PDE4D: variants seen among roughly 807,000 people sequenced by gnomAD.
PDE4D encodes 3',5'-cyclic-AMP phosphodiesterase 4D.
In PDE4D, 24 loss-of-function variants were observed where a neutral mutation model predicts 87.4. The observed-to-expected ratio is 0.27, with a 90% CI of 0.20 to 0.39. PDE4D has a LOEUF of 0.39. Among genes scored for constraint, PDE4D ranks in the 10% least tolerant of loss-of-function variants. The probability of loss-of-function intolerance (pLI) is 1.00; values close to 1 mark genes in which losing one functional copy is unlikely to be tolerated. For synonymous variants in PDE4D, 384 were observed against 383.2 expected, an observed-to-expected ratio of 1.00 and a Z score of -0.02; for missense variants, 714 against 1,041.0, an observed-to-expected ratio of 0.69 and a Z score of 4.32.
chr5:59,845,795 A>G lies in PDE4D; in HGVS notation c.455+47373T>C, dbSNP rs371273109. 9.9e-5 allele frequency among the ~76,000 whole-genome samples: 15 copies of G among 152,206 alleles called. No individual in the cohort carries two copies. In the East Asian group the frequency reaches 1.6e-3, roughly 16 times the overall value. On this transcript the variant is annotated intron_variant, in intron 1 of 14. Coordinates refer to ENST00000340635, the MANE Select transcript of PDE4D (RefSeq NM_001104631.2). ...GTCAGTTTTTATGTAAAAATCACTT[A>G]GAGTGAATAAAACTGCCTATTTATG...
intron 1 of PDE4D, among the ~76,000 whole-genome samples, chr5:59,536,422 G>A (rs1487948253): frequency 6.9e-5 from 10 of 144,340 alleles, no homozygotes; most frequent in South Asian, 2.3e-4. Flanking sequence ...AGAGAATGGC[G>A]TGAACCCGGG....
At chr5:59,872,860 CA>C (rs1748026094) in intron 1 of PDE4D, among the ~76,000 whole-genome samples, 25 of 152,104 alleles carry the variant, frequency 1.6e-4, no homozygotes, top group Admixed American at 1.2e-3. Flanking sequence ...TAAGAAATGC[CA>C]TAGAATATGG....
chr5:59,837,970 C>A (rs1742388353), intron 1 of PDE4D, among the ~76,000 whole-genome samples: 1 of 152,076 alleles, frequency 6.6e-6, no homozygotes, highest in African/African-American at 2.4e-5. Flanking sequence ...TTACTAACAA[C>A]ACTGCTCAGT....
rs767446187 is a variant in PDE4D, at chr5:59,893,151, G to C, written c.455+17C>G. The C allele has an allele frequency of 3.9e-6, 6 of 1,548,682 alleles. No homozygotes were observed. The highest frequency in any genetic ancestry group is 1.4e-5 in the African/African-American group (1 of 73,068). ...TGACCCTTTGCCTGAATGGGGGAGG[G>C]GGCGCTCTCCACTCACCGCCTGAGT... On this transcript the variant is annotated intron_variant, in intron 1 of 14. Transcript: ENST00000340635.
intron 1 of PDE4D, among the ~76,000 whole-genome samples, chr5:60,385,119 G>A (rs1762111934): frequency 6.6e-6 from 1 of 152,168 alleles, no homozygotes; most frequent in African/African-American, 2.4e-5. Flanking sequence ...TCCTCCACAA[G>A]CCAAAAACCT....
chr5:59,379,132 C>A (rs1317960776), intron 1 of PDE4D, among the ~76,000 whole-genome samples: 1 of 152,030 alleles, frequency 6.6e-6, no homozygotes, highest in Non-Finnish European at 1.5e-5. Flanking sequence ...GGCAACTAAG[C>A]CACAACACCC....
intron 1 of PDE4D, among the ~76,000 whole-genome samples, chr5:60,411,626 G>A (rs994668940): frequency 7.9e-5 from 12 of 151,920 alleles, no homozygotes; most frequent in African/African-American, 2.9e-4. Context: ...CATTATTTCC[G>A]AATATTTAAG....
Position 59,024,232 on chromosome 5 carries a change from GCT to G in PDE4D, c.921+14625_921+14626del, listed in dbSNP as rs573742059. Among the ~76,000 whole-genome samples the G allele has an allele frequency of 1.3e-3, 146 of 110,982 alleles. 1 individual carries two copies. Among genetic ancestry groups the G allele is most frequent in the African/African-American group, 4.5e-3 (124 of 27,788 alleles). 72.8% of individuals were successfully genotyped at this position (110,982 alleles called of 152,430 possible). On this transcript the variant is annotated intron_variant, in intron 6 of 14. Coordinates refer to ENST00000340635, the MANE Select transcript of PDE4D (RefSeq NM_001104631.2). ...TTTTTTTTTTTTGAGACAGAGTCTT[GCT>G]CTGTCACCCAGGCTGGAGTGCAGTG...
intron 1 of PDE4D, among the ~76,000 whole-genome samples, chr5:59,877,647 T>C (rs576880349): frequency 1.3e-5 from 2 of 151,780 alleles, no homozygotes; most frequent in African/African-American, 4.8e-5. Context: ...GGAAACTTCA[T>C]CTCCACAAAA....
chr5:59,849,168 C>T (rs1366405450), intron 1 of PDE4D, among the ~76,000 whole-genome samples: 1 of 151,766 alleles, frequency 6.6e-6, no homozygotes, highest in East Asian at 1.9e-4. Flanking sequence ...AGATAAAAGA[C>T]TCATTAATCA....
chr5:58,984,357 T>C (rs1252594938), intron 11 of PDE4D, among the ~76,000 whole-genome samples: 1 of 152,250 alleles, frequency 6.6e-6, no homozygotes, highest in East Asian at 1.9e-4. Context: ...ATGCCAGCTC[T>C]TAAGAGCCAG....
In PDE4D at chr5:58,969,404, A is replaced by G. The variant is rs11950492; in HGVS notation, c.*5260T>C. 24,464 of 152,202 alleles carry G rather than the reference A, an allele frequency of 0.16. 2,100 individuals carry two copies. Among genetic ancestry groups the G allele is most frequent in the Admixed American group, 0.19 (2,892 of 15,276 alleles). The allele number at this position is 152,202 out of a possible 1,614,324, so 9.4% of individuals were successfully genotyped here. A position where few individuals can be genotyped will look rare whatever the true frequency, so the allele number is the denominator to read the frequency against. On this transcript the variant is annotated 3_prime_UTR_variant, in exon 15 of 15. Transcript: ENST00000340635. ...TCTCTCACTTTTCCTCAGTTTCTCCAGATGTCTCAAGCTCATTTATGCCTC... is the reference window on the plus strand; with the variant it reads ...TCTCTCACTTTTCCTCAGTTTCTCCGGATGTCTCAAGCTCATTTATGCCTC...
At chr5:59,426,579 C>T (rs865987575) in intron 1 of PDE4D, among the ~76,000 whole-genome samples, 1 of 151,496 alleles carries the variant, frequency 6.6e-6, no homozygotes, top group South Asian at 2.1e-4. Context: ...CACCAGCACT[C>T]CCACAAGCAC....
chr5:60,266,085 T>C (rs1410487283), intron 1 of PDE4D, among the ~76,000 whole-genome samples: 1 of 151,834 alleles, frequency 6.6e-6, no homozygotes, highest in Non-Finnish European at 1.5e-5. Flanking sequence ...GGCAGGAAAC[T>C]AGATGCAGCG....
chr5:60,109,180 C>T (rs1365800057), intron 2 of PDE4D, among the ~76,000 whole-genome samples: 3 of 151,990 alleles, frequency 2.0e-5, no homozygotes, highest in African/African-American at 7.3e-5. Context: ...AACAAACAAC[C>T]CCATCAAAAA....
intron 5 of PDE4D, among the ~76,000 whole-genome samples, chr5:59,156,320 A>ATATATATATATAT (rs1554082852): frequency 0.039 from 3,215 of 81,402 alleles, 153 homozygotes; most frequent in Middle Eastern, 0.052. Context: ...AAAAAAAAAA[A>ATATATATATATAT]ATATATATAT....
At chr5:59,452,994 T>A (rs1474151566) in intron 1 of PDE4D, among the ~76,000 whole-genome samples, 1 of 151,982 alleles carries the variant, frequency 6.6e-6, no homozygotes, top group Non-Finnish European at 1.5e-5. Flanking sequence ...GTGGCAACCT[T>A]GTGTAGAGCA....
chr5:60,097,224 T>C (rs1775762996), intron 2 of PDE4D, among the ~76,000 whole-genome samples: 1 of 147,894 alleles, frequency 6.8e-6, no homozygotes, highest in South Asian at 2.2e-4. Context: ...GTGCTTTGCA[T>C]TGGCCGTGTA....
At chr5:59,699,006 C>T (rs1282781364) in intron 1 of PDE4D, among the ~76,000 whole-genome samples, 2 of 152,098 alleles carry the variant, frequency 1.3e-5, no homozygotes, top group African/African-American at 4.8e-5. Context: ...TACTTTGTAC[C>T]TCTTCATTAC....
Sources: gnomAD v4.1 joint callset for allele counts (sites outside exome capture counted in the v4.1 genomes callset) on GRCh38, gnomAD v4.1.1 for gene constraint, MANE v1.5 for transcripts, NCBI Gene and HGNC (gene_info 2026-07-23, HGNC 2026-07-21) for gene names.